The following ZFPM2 variants were observed in gnomAD, a reference collection of about 807,000 sequenced individuals.
ZFPM2 encodes the protein zinc finger protein ZFPM2.
ZFPM2 carries 20 observed loss-of-function variants against 98.6 expected under a neutral mutation model. That is an observed-to-expected ratio of 0.20 (90% CI 0.14 to 0.29). ZFPM2 has a LOEUF of 0.29. Ranked by LOEUF, ZFPM2 falls within the 10% of genes least tolerant of loss-of-function variation. The probability of loss-of-function intolerance (pLI) is 1.00; values close to 1 mark genes in which losing one functional copy is unlikely to be tolerated. For synonymous variants in ZFPM2, 518 were observed against 502.7 expected, an observed-to-expected ratio of 1.03 and a Z score of -0.41; for missense variants, 1,310 against 1,388.6, an observed-to-expected ratio of 0.94 and a Z score of 0.90.
At chr8:105,612,040 G>A (rs1247822592) in intron 4 of ZFPM2, among the ~76,000 whole-genome samples, 5 of 152,010 alleles carry the variant, frequency 3.3e-5, no homozygotes, top group African/African-American at 1.2e-4. Context: ...TTTAATGCAT[G>A]GCTAAATTAA....
intron 4 of ZFPM2, among the ~76,000 whole-genome samples, chr8:105,599,019 A>G (rs1816033820): frequency 6.6e-6 from 1 of 152,142 alleles, no homozygotes; most frequent in African/African-American, 2.4e-5. Context: ...ACTAGCTAGC[A>G]TGGCTATGGA....
chr8:105,336,538 C>G (rs72671656), intron 1 of ZFPM2, among the ~76,000 whole-genome samples: 117 of 151,676 alleles, frequency 7.7e-4, no homozygotes, highest in Admixed American at 1.1e-3. Context: ...ATAAAAAGAT[C>G]TTGTTGAATA....
chr8:105,320,040 CAG>C (rs1337912290), intron 1 of ZFPM2, among the ~76,000 whole-genome samples: 1 of 152,134 alleles, frequency 6.6e-6, no homozygotes, highest in Non-Finnish European at 1.5e-5. Flanking sequence ...CCGTGTTGCT[CAG>C]AGTCTGCAAT....
chr8:105,414,348 G>C (rs1342524545), intron 1 of ZFPM2, among the ~76,000 whole-genome samples: 1 of 151,912 alleles, frequency 6.6e-6, no homozygotes, highest in Non-Finnish European at 1.5e-5. Flanking sequence ...CATCTTAGAT[G>C]CTTCTTATTC....
chr8:105,341,472 G>T (rs1319580726), intron 1 of ZFPM2, among the ~76,000 whole-genome samples: 1 of 151,694 alleles, frequency 6.6e-6, no homozygotes, highest in African/African-American at 2.4e-5. Flanking sequence ...TACTATTACT[G>T]TAAGGTAACA....
chr8:105,541,812 CTT>C (rs1157017444), intron 3 of ZFPM2, among the ~76,000 whole-genome samples: 2 of 152,110 alleles, frequency 1.3e-5, no homozygotes, highest in African/African-American at 4.8e-5. Flanking sequence ...ATTGTAATGA[CTT>C]TATCTGCTTC....
chr8:105,677,216 C>CTT (rs554980645), intron 5 of ZFPM2, among the ~76,000 whole-genome samples: 25 of 147,748 alleles, frequency 1.7e-4, no homozygotes, highest in African/African-American at 3.7e-4. Context: ...GAAATCATGT[C>CTT]TTTTTTTTTT....
chr8:105,472,287 A>G (rs1485034318), intron 3 of ZFPM2, among the ~76,000 whole-genome samples: 1 of 152,212 alleles, frequency 6.6e-6, no homozygotes, highest in Admixed American at 6.5e-5. Flanking sequence ...GGGGAATCTA[A>G]AGTAACTACA....
intron 1 of ZFPM2, among the ~76,000 whole-genome samples, chr8:105,398,581 A>G (rs1484238192): frequency 6.6e-6 from 1 of 152,086 alleles, no homozygotes; most frequent in Non-Finnish European, 1.5e-5. Context: ...GCCTCACATC[A>G]TCAGGCATTA....
At chr8:105,340,367 T>C (rs889280678) in intron 1 of ZFPM2, among the ~76,000 whole-genome samples, 1 of 151,912 alleles carries the variant, frequency 6.6e-6, no homozygotes, top group African/African-American at 2.4e-5. Flanking sequence ...CAAAAATGCC[T>C]TATTTATTTA....
intron 3 of ZFPM2, among the ~76,000 whole-genome samples, chr8:105,503,346 T>G (rs1383625356): frequency 6.6e-6 from 1 of 152,170 alleles, no homozygotes; most frequent in Non-Finnish European, 1.5e-5. Flanking sequence ...TGGAGCACCT[T>G]TATCCTGACC....
At chr8:105,607,335 A>C (rs1419038484) in intron 4 of ZFPM2, among the ~76,000 whole-genome samples, 1 of 152,082 alleles carries the variant, frequency 6.6e-6, no homozygotes, top group East Asian at 1.9e-4. Flanking sequence ...CCTAGAAAGT[A>C]CATTAAAATG....
intron 1 of ZFPM2, among the ~76,000 whole-genome samples, chr8:105,379,116 G>A (rs1331495560): frequency 6.6e-6 from 1 of 152,056 alleles, no homozygotes; most frequent in Non-Finnish European, 1.5e-5. Flanking sequence ...GAATTTAAAT[G>A]TTAAAATTTC....
At chr8:105,351,081 G>A (rs1263636183) in intron 1 of ZFPM2, among the ~76,000 whole-genome samples, 2 of 151,386 alleles carry the variant, frequency 1.3e-5, no homozygotes. Context: ...TACTGGGGGG[G>A]CTGAGGCAGG....
At chr8:105,771,678 T>G (rs1333619477) in intron 5 of ZFPM2, among the ~76,000 whole-genome samples, 1 of 152,152 alleles carries the variant, frequency 6.6e-6, no homozygotes, top group South Asian at 2.1e-4. Flanking sequence ...CCCACTCATC[T>G]GCAACAGCGT....
At chr8:105,752,131 A>G (rs374580507) in intron 5 of ZFPM2, among the ~76,000 whole-genome samples, 3 of 152,136 alleles carry the variant, frequency 2.0e-5, no homozygotes, top group African/African-American at 7.2e-5. Context: ...TCATAAAAAA[A>G]TGCATTACTG....
intron 5 of ZFPM2, among the ~76,000 whole-genome samples, chr8:105,784,077 C>T (rs969957490): frequency 6.6e-6 from 1 of 151,944 alleles, no homozygotes; most frequent in Non-Finnish European, 1.5e-5. Context: ...ATGTAATATC[C>T]TGTGGTTTGT....
chr8:105,343,373 A>C (rs28481643), intron 1 of ZFPM2, among the ~76,000 whole-genome samples: 32,761 of 151,924 alleles, frequency 0.22, 4,579 homozygotes, highest in East Asian at 0.52. Context: ...AAACTCAAGT[A>C]TGTCTGGAGG....
At chr8:105,580,823 C>CTATA (rs1458179596) in intron 4 of ZFPM2, among the ~76,000 whole-genome samples, 4,248 of 128,952 alleles carry the variant, frequency 0.033, 61 homozygotes, top group Admixed American at 0.049. Flanking sequence ...CTCTCTCTCT[C>CTATA]TCTCTATATA....
Sources: gnomAD v4.1 joint callset for allele counts (sites outside exome capture counted in the v4.1 genomes callset) on GRCh38, gnomAD v4.1.1 for gene constraint, MANE v1.5 for transcripts, NCBI Gene and HGNC (gene_info 2026-07-23, HGNC 2026-07-21) for gene names.